PCDHGA2: variants seen among roughly 807,000 people sequenced by gnomAD.
PCDHGA2 encodes the protein protocadherin gamma subfamily A, 2, also known as protocadherin gamma-A2.
PCDHGA2 carries 40 observed loss-of-function variants against 59.2 expected under a neutral mutation model. That is an observed-to-expected ratio of 0.68 (90% confidence interval 0.52 to 0.88). PCDHGA2 has a LOEUF of 0.88. Among genes scored for constraint, PCDHGA2 ranks in the 40% least tolerant of loss-of-function variants. PCDHGA2 has a pLI of 0.00. For synonymous variants in PCDHGA2, 560 were observed against 526.0 expected, an observed-to-expected ratio of 1.06 and a Z score of -0.89; for missense variants, 1,226 against 1,204.0, an observed-to-expected ratio of 1.02 and a Z score of -0.27.
chr5:141,343,179 C>T (rs2149730187), intron 1 of PCDHGA2: 3 of 508,114 alleles, frequency 5.9e-6, no homozygotes, highest in South Asian at 1.7e-4. Flanking sequence ...ACCTTAAATC[C>T]CCAAACATAT....
rs750214310 is a variant in PCDHGA2 at position 141,432,447 on chromosome 5, T to C, written c.2425-62360T>C. 1 of 1,614,202 alleles carries C rather than the reference T, an allele frequency of 6.2e-7. No homozygotes were observed. Among genetic ancestry groups the C allele is most frequent in the South Asian group, 1.1e-5 (1 of 91,072 alleles). ...CAGAACGACAATGCGCCCGAGATCCTGTACCCCGCCCTCCCCACGGACGGT... is the reference window on the plus strand; with the variant it reads ...CAGAACGACAATGCGCCCGAGATCCCGTACCCCGCCCTCCCCACGGACGGT... On this transcript the variant is annotated intron_variant, in intron 1 of 3. Coordinates refer to ENST00000394576, the MANE Select transcript of PCDHGA2 (RefSeq NM_018915.4). This position sits in a 1 kb window ranked among gnomAD's most constrained non-coding sequence, Gnocchi z 6.0.
intron 1 of PCDHGA2, chr5:141,350,796 C>G: frequency 1.2e-6 from 2 of 1,613,966 alleles, no homozygotes; most frequent in Middle Eastern, 3.3e-4. Flanking sequence ...TCTCTGTCAA[C>G]GAAGGAAAGT....
intron 1 of PCDHGA2, chr5:141,361,117 G>A: frequency 6.2e-7 from 1 of 1,614,002 alleles, no homozygotes. Context: ...TGGAGATCTA[G>A]CAGCCCACTG....
intron 1 of PCDHGA2, chr5:141,413,119 G>C: frequency 6.6e-7 from 1 of 1,522,222 alleles, no homozygotes; most frequent in Non-Finnish European, 8.8e-7. Flanking sequence ...AAAGGAACCG[G>C]TTGAAACACA....
At chr5:141,362,108 C>T in intron 1 of PCDHGA2, 13 of 1,613,972 alleles carry the variant, frequency 8.1e-6, no homozygotes, top group Non-Finnish European at 1.1e-5. Flanking sequence ...TCCGCTACGG[C>T]CACGCTGCAC....
intron 1 of PCDHGA2, chr5:141,403,610 C>T: frequency 6.2e-7 from 1 of 1,613,860 alleles, no homozygotes; most frequent in Non-Finnish European, 8.5e-7. Context: ...TGGCGGCGAG[C>T]CGCGTCGCTC....
chr5:141,364,548 A>G, intron 1 of PCDHGA2: 5 of 1,614,106 alleles, frequency 3.1e-6, no homozygotes, highest in Non-Finnish European at 4.2e-6. Context: ...GGTAGGACGC[A>G]GCTTTTTGCC....
chr5:141,476,306 C>T lies in PCDHGA2; in HGVS notation c.2425-18501C>T, dbSNP rs1011265476. The T allele has an allele frequency of 1.2e-6, 2 of 1,613,464 alleles. No homozygotes were observed. Among genetic ancestry groups the T allele is most frequent in the African/African-American group, 2.7e-5 (2 of 74,688 alleles). On this transcript the variant is annotated intron_variant, in intron 1 of 3. Transcript: ENST00000394576. The surrounding 1 kb of genome is among the most constrained non-coding windows in gnomAD (Gnocchi z 7.6). ...TTTGGATCTCGGTAGCCTCTCAGCCCGCAGGTTCCGGGTGGTGTCTGGAGC... is the reference window on the plus strand; with the variant it reads ...TTTGGATCTCGGTAGCCTCTCAGCCTGCAGGTTCCGGGTGGTGTCTGGAGC...
chr5:141,395,101 C>G, intron 1 of PCDHGA2: 3 of 1,614,164 alleles, frequency 1.9e-6, no homozygotes, highest in East Asian at 2.2e-5. Context: ...ACCGCCGACT[C>G]GCGGAAGAGT....
intron 1 of PCDHGA2, among the ~76,000 whole-genome samples, chr5:141,347,137 C>CTCTTTCTT (rs70988799): frequency 0.092 from 10,457 of 113,696 alleles, 769 homozygotes; most frequent in South Asian, 0.13. Flanking sequence ...CTCTGTTTCT[C>CTCTTTCTT]TCTTTCTTTC....
At chr5:141,375,010 T>G in intron 1 of PCDHGA2, 2 of 1,614,050 alleles carry the variant, frequency 1.2e-6, no homozygotes, top group Non-Finnish European at 1.7e-6. Flanking sequence ...ATCTAGACTA[T>G]GAGGACTCGA....
At chr5:141,384,870 C>G in intron 1 of PCDHGA2, 4 of 1,613,806 alleles carry the variant, frequency 2.5e-6, no homozygotes, top group South Asian at 1.1e-5. Context: ...TGTCAGCCAC[C>G]GTCACACTCA....
intron 1 of PCDHGA2, chr5:141,372,864 AT>A (rs1769140168): frequency 5.7e-6 from 8 of 1,393,446 alleles, no homozygotes; most frequent in Non-Finnish European, 6.7e-6. Context: ...CAATTCATTG[AT>A]TTAGAGATAA....
In PCDHGA2 at chr5:141,408,282, C is replaced by A. The variant is rs1045626164; in HGVS notation, c.2424+66887C>A. On this transcript the variant is annotated intron_variant, in intron 1 of 3. Transcript: ENST00000394576. ...CCTTTGCTGCTGCCTTTGTTCTACC[C>A]CACCCTGAGTGAGCCGATCCGCTAC... The A allele has an allele frequency of 5.0e-6, 8 of 1,612,846 alleles. No individual in the cohort carries two copies. The African/African-American group carries it at 1.1e-4, about 22-fold the overall frequency.
At position 141,477,591 on chromosome 5, in the gene PCDHGA2, T is replaced by C; in HGVS notation, c.2425-17216T>C. On this transcript the variant is annotated intron_variant, in intron 1 of 3. Coordinates refer to ENST00000394576, the MANE Select transcript of PCDHGA2 (RefSeq NM_018915.4). This position sits in a 1 kb window ranked among gnomAD's most constrained non-coding sequence, Gnocchi z 4.9. Reference sequence around the variant, plus strand: ...CCCGACGCCCCGCAGAATGCTCGGCTTTCTTTCTTTCTCTTGGAGCAAGGA... The same window carrying C: ...CCCGACGCCCCGCAGAATGCTCGGCCTTCTTTCTTTCTCTTGGAGCAAGGA... The C allele has an allele frequency of 6.2e-7, 1 of 1,614,136 alleles. No homozygotes were observed. The highest frequency in any genetic ancestry group is 8.5e-7 in the Non-Finnish European group (1 of 1,180,016).
intron 1 of PCDHGA2, chr5:141,404,355 G>A (rs1170833341): frequency 6.2e-7 from 1 of 1,613,896 alleles, no homozygotes; most frequent in Admixed American, 1.7e-5. Flanking sequence ...AACGCCAGAG[G>A]TACTTCCATC....
rs1452602466 is a variant in PCDHGA2 at position 141,481,941 on chromosome 5, C to A, written c.2425-12866C>A. Among the ~76,000 whole-genome samples, 4 of 146,990 alleles carry A rather than the reference C, an allele frequency of 2.7e-5. No individual in the cohort carries two copies. The Admixed American group carries it at 2.7e-4, about 10-fold the overall frequency. On this transcript the variant is annotated intron_variant, in intron 1 of 3. Coordinates refer to ENST00000394576, the MANE Select transcript of PCDHGA2 (RefSeq NM_018915.4). ...AAAAAAAAAAAAAAAAAAAATCAGC[C>A]AGATGTGGTGGCAGGTGCCTGTAGT...
rs111388524 is a variant in PCDHGA2, at chr5:141,376,009, A to C, written c.2424+34614A>C. On this transcript the variant is annotated intron_variant, in intron 1 of 3. Transcript: ENST00000394576. ...ACAGAGACGCGCTCAAGCAGAGCCTAGTGGTGGCCGTCCAGGACCACGGCC... is the reference window on the plus strand; with the variant it reads ...ACAGAGACGCGCTCAAGCAGAGCCTCGTGGTGGCCGTCCAGGACCACGGCC... 13,464 of 1,612,162 alleles carry C rather than the reference A, an allele frequency of 8.4e-3. 162 individuals carry two copies. The highest frequency in any genetic ancestry group is 0.039 in the African/African-American group (2,956 of 74,982).
At chr5:141,348,355 G>A (rs1758103704) in intron 1 of PCDHGA2, among the ~76,000 whole-genome samples, 1 of 152,156 alleles carries the variant, frequency 6.6e-6, no homozygotes, top group Admixed American at 6.5e-5. Context: ...GGACTTCTGA[G>A]CCTAGGACTT....
Sources: allele counts gnomAD v4.1 joint callset (sites outside exome capture counted in the v4.1 genomes callset), GRCh38; gene constraint gnomAD v4.1.1; non-coding constraint Gnocchi (gnomAD v3.1); transcripts MANE v1.5; gene names NCBI Gene and HGNC (gene_info 2026-07-23, HGNC 2026-07-21).